KCNK4: variants seen among roughly 807,000 people sequenced by gnomAD.
The protein encoded by KCNK4 is potassium channel subfamily K member 4.
Under a neutral mutation model 28.8 loss-of-function variants are expected in KCNK4, and 22 were observed. The ratio of observed to expected loss-of-function variants is 0.76; its 90% CI spans 0.55 to 1.09. The LOEUF is 1.09. Ranked by LOEUF, KCNK4 falls within the 50% of genes least tolerant of loss-of-function variation. The probability of loss-of-function intolerance (pLI) is 0.00; values close to 1 mark genes in which losing one functional copy is unlikely to be tolerated. For synonymous variants in KCNK4, 263 were observed against 252.9 expected (o/e 1.04, Z -0.38); for missense variants, 483 against 546.3 (o/e 0.88, Z 1.15).
At chr11:64,292,025 C>A in intron 1 of KCNK4, 1 of 1,174,596 alleles carries the variant, frequency 8.5e-7, no homozygotes, top group South Asian at 1.5e-5. Context: ...CGCTAGTGTC[C>A]ACACACGTGT....
rs749664586 is a variant in KCNK4, at chr11:64,297,257, G to A, written c.452G>A (p.Gly151Asp). The change falls in exon 4 of 7, where the codon GGT becomes GAT. Residue 151 changes from glycine to aspartate, a missense_variant. Physicochemically the swap from Gly to Asp is moderately conservative, Grantham distance 94 (BLOSUM62 -1). Coordinates refer to ENST00000422670, the MANE Select transcript of KCNK4 (RefSeq NM_033310.3). ...RLGSSLRHGIGHIEAIFLKWH... is the reference protein window; with the variant it reads ...RLGSSLRHGIDHIEAIFLKWH... ...GGCTCCTCCCTGCGCCATGGCATCG[G>A]TCACATTGAAGCCATCTTCTTGGTG... 2.5e-6 allele frequency: 4 copies of A among 1,613,458 alleles called. No individual in the cohort carries two copies. Among genetic ancestry groups the A allele is most frequent in the South Asian group, 1.1e-5 (1 of 91,044 alleles).
Position 64,299,718 on chromosome 11 carries a change from C to A in KCNK4, c.1174C>A (p.Pro392Thr), listed in dbSNP as rs1303915101. 3.9e-6 allele frequency: 6 copies of A among 1,556,408 alleles called. No homozygotes were observed. The highest frequency in any genetic ancestry group is 4.7e-5 in the East Asian group (2 of 42,344). The part of the protein sequence containing the change: ...GPGRPRDKGV[P>T]V ...CGGGCGTCCCCGAGACAAAGGCGTG[C>A]CGGTGTAGGGGCAGGATCCCTGGCC... Residue 392 changes from proline to threonine, a missense_variant, in exon 7 of 7, where the codon CCG becomes ACG. Transcript: ENST00000422670.
intron 1 of KCNK4, 35 bp from the exon 2 acceptor site, chr11:64,292,907 C>G: frequency 7.0e-7 from 1 of 1,437,584 alleles, no homozygotes; most frequent in African/African-American, 1.4e-5. Flanking sequence ...GTCAGGCCAG[C>G]TCAGTGACCC....
intron 2 of KCNK4, 58 bp from the exon 3 acceptor site, chr11:64,296,820 A>G (rs2034775593): frequency 5.4e-6 from 8 of 1,468,322 alleles, no homozygotes; most frequent in Non-Finnish European, 7.2e-6. Context: ...AGGGGCCACG[A>G]GTTGCCCTAG....
Position 64,293,111 on chromosome 11 carries a change from C to T in KCNK4, c.93C>T (p.His31=), listed in dbSNP as rs202162247. 2 of 1,547,526 alleles carry T rather than the reference C, an allele frequency of 1.3e-6. No individual in the cohort carries two copies. The highest frequency in any genetic ancestry group is 8.7e-7 in the Non-Finnish European group (1 of 1,145,342). The part of the protein sequence containing the change: ...ALVFRALEQP[H]EQQAQRELGE... ...TGTTCCGGGCCCTGGAGCAGCCCCA[C>T]GAGCAGCAGGCCCAGAGGGAGCTGG... Residue 31 remains histidine (H), a synonymous_variant, in exon 2 of 7, where the codon CAC becomes CAT. Transcript: ENST00000422670.
At chr11:64,297,365 G>T in intron 4 of KCNK4, 86 bp downstream of exon 4, 1 of 1,573,894 alleles carries the variant, frequency 6.4e-7, no homozygotes, top group East Asian at 2.2e-5. Flanking sequence ...CGCCCCCAAA[G>T]ACCATAAGCC....
chr11:64,297,676 G>T, intron 5 of KCNK4, 23 bp downstream of exon 5: 1 of 1,599,432 alleles, frequency 6.3e-7, no homozygotes, highest in Non-Finnish European at 8.5e-7. Context: ...TTCTTGTGCT[G>T]CACTTTCCCA....
At chr11:64,297,879 G>A (rs750164083) in intron 5 of KCNK4, among the ~76,000 whole-genome samples, 4 of 152,056 alleles carry the variant, frequency 2.6e-5, no homozygotes, top group African/African-American at 4.8e-5. Context: ...TGCACCCCTC[G>A]CATGTGTCAC....
At chr11:64,297,420 G>C (rs369024566) in intron 4 of KCNK4, 47 bp from the exon 5 acceptor site, 13 of 1,604,572 alleles carry the variant, frequency 8.1e-6, no homozygotes, top group African/African-American at 1.3e-5. Context: ...TATGGGAGTG[G>C]GGATTGTTGG....
At position 64,299,968 on chromosome 11, in the gene KCNK4, TGCCTCAAA is replaced by T; in HGVS notation, c.*247_*254del. The T allele has an allele frequency of 1.5e-6, 1 of 670,462 alleles. No homozygotes were observed. The highest frequency in any genetic ancestry group is 1.9e-5 in the South Asian group (1 of 52,384). The allele number at this position is 670,462 out of a possible 1,614,324, so 41.5% of individuals were successfully genotyped here. On this transcript the variant is annotated 3_prime_UTR_variant, in exon 7 of 7. Transcript: ENST00000422670. ...TATCCCTCACAGCACCTCACGACTG[TGCCTCAAA>T]GCCTGCATCAATAAATGAAAACGGT...
chr11:64,293,718 A>T (rs1017885980), intron 2 of KCNK4, among the ~76,000 whole-genome samples: 11 of 152,144 alleles, frequency 7.2e-5, no homozygotes, highest in Admixed American at 3.3e-4. Flanking sequence ...CTCCTGCCTC[A>T]GCCTCCCAAG....
Position 64,297,996 on chromosome 11 carries a change from CATTGCCCT to C in KCNK4, c.662-112_662-105del, listed in dbSNP as rs2034818501. On this transcript the variant is annotated intron_variant, in intron 5 of 6. Coordinates refer to ENST00000422670, the MANE Select transcript of KCNK4 (RefSeq NM_033310.3). The stretch of plus-strand genomic sequence containing the variant: ...GCACTCACACACTCAAGCACATACC[CATTGCCCT>C]AGGGAGGGCAGGTCCTCTCCAGGAA... 7 of 1,218,084 alleles carry C rather than the reference CATTGCCCT, an allele frequency of 5.7e-6. No individual in the cohort carries two copies. In the East Asian group the frequency reaches 1.5e-4, roughly 26 times the overall value. The allele number at this position is 1,218,084 out of a possible 1,614,324, so 75.5% of individuals were successfully genotyped here. A position where few individuals can be genotyped will look rare whatever the true frequency, so the allele number is the denominator to read the frequency against.
At position 64,299,909 on chromosome 11, in the gene KCNK4, C is replaced by G. The variant is rs549956841; in HGVS notation, c.*183C>G. On this transcript the variant is annotated 3_prime_UTR_variant, in exon 7 of 7. Transcript: ENST00000422670. Reference sequence around the variant, plus strand: ...CACTTCCATCCATCTCTAGACCCCCCCAAGGCTTTCTGTGTCGCTGCCCCG... The same window carrying G: ...CACTTCCATCCATCTCTAGACCCCCGCAAGGCTTTCTGTGTCGCTGCCCCG... 276 of 1,188,834 alleles carry G rather than the reference C, an allele frequency of 2.3e-4. No individual in the cohort carries two copies. The highest frequency in any genetic ancestry group is 2.9e-4 in the Non-Finnish European group (244 of 851,918). The allele number at this position is 1,188,834 out of a possible 1,614,324, so 73.6% of individuals were successfully genotyped here. A position where few individuals can be genotyped will look rare whatever the true frequency, so the allele number is the denominator to read the frequency against.
In KCNK4 at chr11:64,293,015, C is replaced by T. The variant is rs2034675599; in HGVS notation, c.-4C>T. 1.9e-6 allele frequency: 3 copies of T among 1,541,422 alleles called. 1 individual carries two copies. Among genetic ancestry groups the T allele is most frequent in the South Asian group, 2.4e-5 (2 of 83,224 alleles). ...GTGGAGCTGGCCCGGCGCCTGGGCG[C>T]GCCATGCGCAGCACCACGCTCCTGG... On this transcript the variant is annotated 5_prime_UTR_variant, in exon 2 of 7. Transcript: ENST00000422670.
chr11:64,294,583 T>TCTG (rs1703108476), intron 2 of KCNK4, among the ~76,000 whole-genome samples: 1 of 150,720 alleles, frequency 6.6e-6, no homozygotes, highest in Admixed American at 6.6e-5. Flanking sequence ...GGCAGGCACG[T>TCTG]CTGTTACTTT....
chr11:64,299,035 G>C (rs923125950), intron 6 of KCNK4, among the ~76,000 whole-genome samples: 3 of 96,222 alleles, frequency 3.1e-5, no homozygotes, highest in Admixed American at 1.6e-4. Flanking sequence ...AGCTAGACTT[G>C]TCTCAAAAAA....
rs202007564 is a variant in KCNK4, at chr11:64,297,024, G to T, written c.313+23G>T. The T allele has an allele frequency of 3.6e-4, 564 of 1,574,628 alleles. 1 individual carries two copies. Among genetic ancestry groups the T allele is most frequent in the East Asian group, 1.1e-4 (5 of 44,392 alleles). Reference sequence around the variant, plus strand: ...TCGGTGGGGGAGGGGATTGGCATGTGGGGGGCGGCAAGGAGCTTCCTCATG... The same window carrying T: ...TCGGTGGGGGAGGGGATTGGCATGTTGGGGGCGGCAAGGAGCTTCCTCATG... On this transcript the variant is annotated intron_variant, in intron 3 of 6. Transcript: ENST00000422670.
At chr11:64,294,143 A>G (rs1429237569) in intron 2 of KCNK4, among the ~76,000 whole-genome samples, 2 of 152,104 alleles carry the variant, frequency 1.3e-5, no homozygotes, top group Non-Finnish European at 2.9e-5. Context: ...TTCCCCCAGC[A>G]TGCATGCTTA....
intron 2 of KCNK4, among the ~76,000 whole-genome samples, chr11:64,295,807 A>C (rs1439020222): frequency 6.6e-6 from 1 of 151,934 alleles, no homozygotes; most frequent in Non-Finnish European, 1.5e-5. Flanking sequence ...ATTAGTTTGG[A>C]CTAAGTCTTG....
Sources: gnomAD v4.1 joint callset for allele counts (sites outside exome capture counted in the v4.1 genomes callset) on GRCh38, gnomAD v4.1.1 for gene constraint, MANE v1.5 for transcripts, NCBI Gene and HGNC (gene_info 2026-07-23, HGNC 2026-07-21) for gene names.